The following UBE2E1 variants were observed in gnomAD, a reference collection of about 807,000 sequenced individuals.
UBE2E1 encodes ubiquitin conjugating enzyme E2 E1.
UBE2E1 carries 6 observed loss-of-function variants against 21.4 expected under a neutral mutation model. The ratio of observed to expected loss-of-function variants is 0.28; its 90% CI spans 0.15 to 0.55. The LOEUF is 0.55. Among genes scored for constraint, UBE2E1 ranks in the 20% least tolerant of loss-of-function variants. The pLI, the probability that UBE2E1 is intolerant of heterozygous loss-of-function variation, is 0.93. For missense variants in UBE2E1, 142 were observed against 236.5 expected (o/e 0.60, Z 2.62); for synonymous variants, 87 against 82.7 (o/e 1.05, Z -0.28).
rs1008304470 is a variant in UBE2E1, at chr3:23,881,820, C to T, written c.204-5747C>T. On this transcript the variant is annotated intron_variant, in intron 3 of 5. Coordinates refer to ENST00000306627, the MANE Select transcript of UBE2E1 (RefSeq NM_003341.5). Reference sequence around the variant, plus strand: ...TCCGGAGTTTGTTCCTTCTGATGTTCGGACGTGTTCAGAGTTTCTTCCTTC... The same window carrying T: ...TCCGGAGTTTGTTCCTTCTGATGTTTGGACGTGTTCAGAGTTTCTTCCTTC... Among the ~76,000 whole-genome samples, 5 of 152,266 alleles carry T rather than the reference C, an allele frequency of 3.3e-5. 1 individual carries two copies. The East Asian group carries it at 7.7e-4, about 23-fold the overall frequency.
chr3:23,806,525 C>T lies in UBE2E1; in HGVS notation c.-34+437C>T, dbSNP rs1257396387. Among the ~76,000 whole-genome samples, 6 of 151,858 alleles carry T rather than the reference C, an allele frequency of 4.0e-5. No homozygotes were observed. The highest frequency in any genetic ancestry group is 1.4e-4 in the African/African-American group (6 of 41,386). ...GGAGGCCGACCCCCCCATTCCCCGC[C>T]GCAGCCCCTATCCCCCTACAGGAGT... is the stretch of plus-strand genomic sequence containing the variant. On this transcript the variant is annotated intron_variant, in intron 1 of 5. Transcript: ENST00000306627. This position sits in a 1 kb window ranked among gnomAD's most constrained non-coding sequence, Gnocchi z 6.5.
intron 3 of UBE2E1, among the ~76,000 whole-genome samples, chr3:23,882,888 C>G (rs1488001569): frequency 6.6e-6 from 1 of 152,206 alleles, no homozygotes; most frequent in Non-Finnish European, 1.5e-5. Flanking sequence ...GAGCACTGCG[C>G]GCAGCCCCAG....
chr3:23,852,060 A>G (rs995879100), intron 3 of UBE2E1, among the ~76,000 whole-genome samples: 15 of 152,162 alleles, frequency 9.9e-5, no homozygotes, highest in African/African-American at 3.4e-4. Context: ...GTCATGTCAC[A>G]TGCCTGCTCT....
rs1491238542 is a variant in UBE2E1 at position 23,842,196 on chromosome 3, G to GGTGTGTGTGT, written c.203+30687_203+30688insTGTGTGTGTG. On this transcript the variant is annotated intron_variant, in intron 3 of 5. Transcript: ENST00000306627. This position sits in a 1 kb window ranked among gnomAD's most constrained non-coding sequence, Gnocchi z 4.6. ...ACTATGTCATGACCCAGTAAGTGAA[G>GGTGTGTGTGT]GGGTGTGTGTGTGTGTGTGTGTGTG... Among the ~76,000 whole-genome samples, 1 of 44,330 alleles carries GGTGTGTGTGT rather than the reference G, an allele frequency of 2.3e-5. No homozygotes were observed. The highest frequency in any genetic ancestry group is 7.5e-4 in the East Asian group (1 of 1,334). 29.1% of individuals were successfully genotyped at this position (44,330 alleles called of 152,430 possible). A position where few individuals can be genotyped will look rare whatever the true frequency, so the allele number is the denominator to read the frequency against.
In UBE2E1 at chr3:23,889,098, CTT is replaced by C. The variant is rs779645600; in HGVS notation, c.337-13_337-12del. 2.7e-5 allele frequency: 43 copies of C among 1,585,770 alleles called. No homozygotes were observed. Among genetic ancestry groups the C allele is most frequent in the Non-Finnish European group, 3.6e-5 (42 of 1,167,774 alleles). Reference sequence around the variant, plus strand: ...TTTGCTGTTTAAATATTGTCTGTCACTTGTTTTTTTTAGGTTACATTTCGGAC... The same window carrying C: ...TTTGCTGTTTAAATATTGTCTGTCACGTTTTTTTTAGGTTACATTTCGGAC... On this transcript the variant is annotated splice_polypyrimidine_tract_variant and intron_variant, in intron 4 of 5. Transcript: ENST00000306627.
At chr3:23,815,848 G>A (rs1389064521) in intron 3 of UBE2E1, among the ~76,000 whole-genome samples, 5 of 152,160 alleles carry the variant, frequency 3.3e-5, no homozygotes, top group Non-Finnish European at 7.4e-5. Flanking sequence ...ATAGAAGTGT[G>A]ACTTAAACAT....
chr3:23,850,498 A>C (rs1297303770), intron 3 of UBE2E1, among the ~76,000 whole-genome samples: 1 of 94,996 alleles, frequency 1.1e-5, no homozygotes, highest in Non-Finnish European at 2.1e-5. Context: ...TTAAGAAACC[A>C]TTATCTACTC....
At chr3:23,871,988 T>C (rs1240592990) in intron 3 of UBE2E1, among the ~76,000 whole-genome samples, 2 of 151,992 alleles carry the variant, frequency 1.3e-5, no homozygotes, top group South Asian at 2.1e-4. Context: ...GGGCAGAGGC[T>C]GCAATCTCGG....
In UBE2E1 at chr3:23,810,436, G is replaced by C; in HGVS notation, c.153-1024G>C. On this transcript the variant is annotated intron_variant, in intron 2 of 5. Coordinates refer to ENST00000306627, the MANE Select transcript of UBE2E1 (RefSeq NM_003341.5). The surrounding 1 kb of genome is among the most constrained non-coding windows in gnomAD (Gnocchi z 5.8). ...GTTGGTGCGGAGGGAGAAAACTGCA[G>C]GTCTCCAGTCTATCCCCAGTGTGAG... 1 of 1,535,432 alleles carries C rather than the reference G, an allele frequency of 6.5e-7. No individual in the cohort carries two copies. The highest frequency in any genetic ancestry group is 1.2e-5 in the South Asian group (1 of 84,052).
At chr3:23,838,413 C>G (rs916214319) in intron 3 of UBE2E1, among the ~76,000 whole-genome samples, 3 of 152,018 alleles carry the variant, frequency 2.0e-5, no homozygotes, top group African/African-American at 7.2e-5. Context: ...GCTTGTTTTT[C>G]CAATCTGACA....
intron 3 of UBE2E1, among the ~76,000 whole-genome samples, chr3:23,862,953 C>T (rs1139150): frequency 0.34 from 52,189 of 151,644 alleles, 9,615 homozygotes; most frequent in Middle Eastern, 0.51. Context: ...CTTGAACTTG[C>T]GACCTCAAGC....
chr3:23,826,855 T>A (rs974432062), intron 3 of UBE2E1, among the ~76,000 whole-genome samples: 1 of 152,206 alleles, frequency 6.6e-6, no homozygotes, highest in African/African-American at 2.4e-5. Context: ...AGGTACTAAA[T>A]CCCTTTTTGA....
chr3:23,837,622 T>C (rs1165884417), intron 3 of UBE2E1, among the ~76,000 whole-genome samples: 1 of 152,264 alleles, frequency 6.6e-6, no homozygotes, highest in Admixed American at 6.5e-5. Flanking sequence ...TTATGTGATA[T>C]GTTTTAAAAA....
chr3:23,825,886 A>G (rs552194320), intron 3 of UBE2E1, among the ~76,000 whole-genome samples: 1 of 152,122 alleles, frequency 6.6e-6, no homozygotes, highest in Non-Finnish European at 1.5e-5. Flanking sequence ...TACTCATGAA[A>G]AGAGAGAAGG....
intron 3 of UBE2E1, among the ~76,000 whole-genome samples, chr3:23,826,029 G>A (rs1269227001): frequency 6.6e-6 from 1 of 152,014 alleles, no homozygotes; most frequent in South Asian, 2.1e-4. Flanking sequence ...CTCCAGCCTG[G>A]GCAACATAGT....
At chr3:23,809,435 A>G (rs928895704) in intron 2 of UBE2E1, among the ~76,000 whole-genome samples, 1 of 152,228 alleles carries the variant, frequency 6.6e-6, no homozygotes, top group Non-Finnish European at 1.5e-5. Flanking sequence ...GAATTGGCAG[A>G]CTAACAGGCT....
At chr3:23,835,082 TG>T (rs1387628900) in intron 3 of UBE2E1, among the ~76,000 whole-genome samples, 2 of 152,248 alleles carry the variant, frequency 1.3e-5, no homozygotes. Flanking sequence ...TGAGTTAACC[TG>T]ATCACCTACT....
chr3:23,890,390 C>T lies in UBE2E1; in HGVS notation c.485-119C>T, dbSNP rs754690877. On this transcript the variant is annotated intron_variant, in intron 5 of 5. Coordinates refer to ENST00000306627, the MANE Select transcript of UBE2E1 (RefSeq NM_003341.5). ...TATCCAGCATGGTGGAGTGGTGTTT[C>T]GAAGATGGGTTTGATCACACATACT... 10 of 842,308 alleles carry T rather than the reference C, an allele frequency of 1.2e-5. No homozygotes were observed. The Middle Eastern group carries it at 7.0e-4, about 59-fold the overall frequency. The allele number at this position is 842,308 out of a possible 1,614,324, so 52.2% of individuals were successfully genotyped here.
intron 3 of UBE2E1, among the ~76,000 whole-genome samples, chr3:23,819,438 A>T (rs182343981): frequency 2.0e-5 from 3 of 152,142 alleles, no homozygotes; most frequent in African/African-American, 7.2e-5. Context: ...TTTCTAGACG[A>T]TTAGAAGCAT....
Sources: gnomAD v4.1 joint callset for allele counts (sites outside exome capture counted in the v4.1 genomes callset) on GRCh38, gnomAD v4.1.1 for gene constraint, Gnocchi (gnomAD v3.1) non-coding constraint, MANE v1.5 for transcripts, NCBI Gene and HGNC (gene_info 2026-07-23, HGNC 2026-07-21) for gene names.